The following MITF variants were observed in gnomAD, a reference collection of about 807,000 sequenced individuals.
MITF encodes the protein microphthalmia-associated transcription factor.
In MITF, 17 loss-of-function variants were observed where a neutral mutation model predicts 60.5. That is an observed-to-expected ratio of 0.28 (90% confidence interval 0.19 to 0.42). MITF has a LOEUF of 0.42. Among genes scored for constraint, MITF ranks in the 10% least tolerant of loss-of-function variants. MITF has a pLI of 1.00. For synonymous variants in MITF, 260 were observed against 248.5 expected (o/e 1.05, Z -0.43); for missense variants, 622 against 683.5 (o/e 0.91, Z 1.00).
At chr3:69,771,209 G>A (rs1390929757) in intron 1 of MITF, among the ~76,000 whole-genome samples, 2 of 150,652 alleles carry the variant, frequency 1.3e-5, no homozygotes, top group African/African-American at 4.9e-5. Context: ...CTTTTAGGTG[G>A]TCACTTAAAC....
chr3:69,762,560 T>C (rs1053068786), intron 1 of MITF, among the ~76,000 whole-genome samples: 4 of 152,208 alleles, frequency 2.6e-5, no homozygotes, highest in Non-Finnish European at 5.9e-5. Context: ...TGATCTCTTT[T>C]TGGAGGACAA....
intron 1 of MITF, among the ~76,000 whole-genome samples, chr3:69,872,207 G>A (rs374562132): frequency 2.6e-5 from 4 of 152,094 alleles, no homozygotes; most frequent in African/African-American, 4.8e-5. Flanking sequence ...GAGATCAGTC[G>A]TGGTCATAAA....
intron 6 of MITF, among the ~76,000 whole-genome samples, chr3:69,951,577 T>G (rs957284094): frequency 4.1e-5 from 6 of 146,544 alleles, no homozygotes; most frequent in Non-Finnish European, 8.8e-5. Flanking sequence ...TTTACCAGGG[T>G]TTTTTTTTAC....
chr3:69,906,276 G>T (rs1490851733), intron 2 of MITF, among the ~76,000 whole-genome samples: 1 of 152,008 alleles, frequency 6.6e-6, no homozygotes, highest in African/African-American at 2.4e-5. Flanking sequence ...ATATGTGTGG[G>T]TCTATTTCTA....
At chr3:69,865,541 A>G (rs560055868) in intron 1 of MITF, among the ~76,000 whole-genome samples, 25 of 152,270 alleles carry the variant, frequency 1.6e-4, no homozygotes, top group African/African-American at 4.8e-4. Flanking sequence ...ATGTGTTCAG[A>G]ATTAGATTGG....
intron 2 of MITF, among the ~76,000 whole-genome samples, chr3:69,923,242 A>T (rs867958066): frequency 1.3e-5 from 2 of 152,232 alleles, no homozygotes; most frequent in Non-Finnish European, 2.9e-5. Flanking sequence ...GAAAATGGGG[A>T]TAATAACATC....
chr3:69,865,619 A>G (rs952605537), intron 1 of MITF, among the ~76,000 whole-genome samples: 2 of 152,180 alleles, frequency 1.3e-5, no homozygotes, highest in African/African-American at 4.8e-5. Context: ...GGTGGCCATA[A>G]TTAGGAGCAG....
chr3:69,901,213 CAAAAAAA>C (rs201494705), intron 2 of MITF, among the ~76,000 whole-genome samples: 11 of 75,190 alleles, frequency 1.5e-4, no homozygotes, highest in African/African-American at 4.3e-4. Flanking sequence ...TGTGATTTTT[CAAAAAAA>C]AAAAAAAAAA....
intron 1 of MITF, among the ~76,000 whole-genome samples, chr3:69,819,998 A>G (rs140470633): frequency 1.7e-3 from 260 of 152,222 alleles, no homozygotes; most frequent in African/African-American, 5.7e-3. Flanking sequence ...CATAAAAGCT[A>G]GAGTTAGAGC....
At chr3:69,806,051 C>G (rs193155258) in intron 1 of MITF, among the ~76,000 whole-genome samples, 1 of 151,360 alleles carries the variant, frequency 6.6e-6, no homozygotes, top group Non-Finnish European at 1.5e-5. Context: ...CTTTGCAAAG[C>G]GGATTTGGGG....
intron 2 of MITF, among the ~76,000 whole-genome samples, chr3:69,917,988 G>T (rs1363197400): frequency 2.0e-5 from 3 of 152,080 alleles, no homozygotes; most frequent in Admixed American, 1.3e-4. Context: ...GCATGGGATT[G>T]TTATATGTTG....
At chr3:69,916,704 C>T (rs2065342489) in intron 2 of MITF, among the ~76,000 whole-genome samples, 1 of 152,082 alleles carries the variant, frequency 6.6e-6, no homozygotes, top group Admixed American at 6.6e-5. Context: ...TCATAATAAA[C>T]TTATGACTGT....
At chr3:69,849,091 A>G (rs2063782133) in intron 1 of MITF, among the ~76,000 whole-genome samples, 1 of 148,016 alleles carries the variant, frequency 6.8e-6, no homozygotes. Context: ...CAGCCTCCCA[A>G]GTAGCTGGGA....
intron 2 of MITF, among the ~76,000 whole-genome samples, chr3:69,919,626 A>G (rs1020685738): frequency 6.6e-6 from 1 of 152,212 alleles, no homozygotes; most frequent in African/African-American, 2.4e-5. Flanking sequence ...GAATAGCACA[A>G]TGTGCCTCTT....
chr3:69,948,473 T>G (rs1434378209), intron 5 of MITF, among the ~76,000 whole-genome samples: 1 of 151,834 alleles, frequency 6.6e-6, no homozygotes, highest in Non-Finnish European at 1.5e-5. Context: ...GGCTCCCTCT[T>G]GTGGCTTTGT....
intron 1 of MITF, among the ~76,000 whole-genome samples, chr3:69,875,864 A>AT (rs970010228): frequency 5.5e-4 from 84 of 152,350 alleles, no homozygotes; most frequent in African/African-American, 2.0e-3. Flanking sequence ...ATCTTTCACA[A>AT]TGTGGAAATA....
At chr3:69,853,780 T>C (rs1258292320) in intron 1 of MITF, among the ~76,000 whole-genome samples, 1 of 152,148 alleles carries the variant, frequency 6.6e-6, no homozygotes, top group Admixed American at 6.5e-5. Flanking sequence ...ATTTTATCCA[T>C]GTAAAGGCAT....
At chr3:69,949,192 C>G in intron 6 of MITF, 24 bp downstream of exon 6, 2 of 1,505,496 alleles carry the variant, frequency 1.3e-6, no homozygotes, top group Non-Finnish European at 1.9e-6. Context: ...AAATGTGCCT[C>G]TTACTGCAGA....
intron 2 of MITF, among the ~76,000 whole-genome samples, chr3:69,881,477 C>T (rs992066681): frequency 6.6e-6 from 1 of 151,872 alleles, no homozygotes; most frequent in Non-Finnish European, 1.5e-5. Flanking sequence ...TTTATTAAGA[C>T]AATATTTTAA....
Sources: allele counts gnomAD v4.1 joint callset (sites outside exome capture counted in the v4.1 genomes callset), GRCh38; gene constraint gnomAD v4.1.1; transcripts MANE v1.5; gene names NCBI Gene and HGNC (gene_info 2026-07-23, HGNC 2026-07-21).